Variants in BPIFB2 observed in about 807,000 individuals in gnomAD.
BPIFB2 encodes BPI fold-containing family B member 2.
In BPIFB2, 39 loss-of-function variants were observed where a neutral mutation model predicts 50.1. The ratio of observed to expected loss-of-function variants is 0.78; its 90% confidence interval spans 0.60 to 1.02. The LOEUF is 1.02. Ranked by LOEUF, BPIFB2 falls within the 50% of genes least tolerant of loss-of-function variation. The pLI is 0.00. For missense variants in BPIFB2, 574 were observed against 585.8 expected, an observed-to-expected ratio of 0.98 and a Z score of 0.21; for synonymous variants, 280 against 256.3, an observed-to-expected ratio of 1.09 and a Z score of -0.88.
At chr20:33,012,954 T>C in intron 4 of BPIFB2, 47 bp downstream of exon 4, 1 of 1,509,716 alleles carries the variant, frequency 6.6e-7, no homozygotes, top group South Asian at 1.1e-5. Flanking sequence ...TTGGGGATGC[T>C]CCGAGGGATA....
At chr20:33,016,161 AG>A (rs1978420810) in intron 6 of BPIFB2, among the ~76,000 whole-genome samples, 1 of 152,048 alleles carries the variant, frequency 6.6e-6, no homozygotes, top group African/African-American at 2.4e-5. Context: ...TACTGCTTTA[AG>A]GGGCAGTAGT....
At chr20:33,013,004 C>A in intron 4 of BPIFB2, 97 bp downstream of exon 4, 1 of 953,002 alleles carries the variant, frequency 1.0e-6, no homozygotes. Context: ...CCAGGGCCCT[C>A]ATCCAGGCCT....
chr20:33,013,992 C>CAA, intron 5 of BPIFB2, 36 bp downstream of exon 5: 1 of 1,595,866 alleles, frequency 6.3e-7, no homozygotes, highest in South Asian at 1.1e-5. Context: ...ACAGGAATCC[C>CAA]AGATGCCAAA....
At chr20:33,016,718 G>A (rs1978443181) in intron 6 of BPIFB2, among the ~76,000 whole-genome samples, 1 of 152,238 alleles carries the variant, frequency 6.6e-6, no homozygotes, top group Admixed American at 6.5e-5. Flanking sequence ...TGAGCTCTCA[G>A]CCCCGTTGCA....
intron 7 of BPIFB2, 138 bp downstream of exon 7, chr20:33,017,240 CA>C: frequency 1.6e-6 from 1 of 633,162 alleles, no homozygotes; most frequent in East Asian, 2.9e-5. Context: ...TGTGAGCTCC[CA>C]AAACAGTGTA....
At chr20:33,019,848 T>C (rs45626037) in intron 11 of BPIFB2, 98 bp downstream of exon 11, 379,612 of 1,357,248 alleles carry the variant, frequency 0.28, 55,407 homozygotes, top group Middle Eastern at 0.3. Flanking sequence ...CACACTATTG[T>C]CTTCGCTGTT....
At chr20:33,016,925 G>C in intron 6 of BPIFB2, 117 bp from the exon 7 acceptor site, 1 of 868,982 alleles carries the variant, frequency 1.2e-6, no homozygotes, top group Non-Finnish European at 1.8e-6. Context: ...GGGATTCCAG[G>C]CATGGTGTAT....
rs1165134398 is a variant in BPIFB2, at chr20:33,009,755, T to G, written c.109+1072T>G. Among the ~76,000 whole-genome samples the G allele has an allele frequency of 6.6e-6, 1 of 152,356 alleles. No homozygotes were observed. Among genetic ancestry groups the G allele is most frequent in the African/African-American group, 2.4e-5 (1 of 41,586 alleles). ...CTGCCCATCCTGTGCAAGCCTCCTT[T>G]GTCCCCAGGGAGCCCTCCCCAGCTT... On this transcript the variant is annotated intron_variant, in intron 2 of 15. Transcript: ENST00000170150. The surrounding 1 kb of genome is among the most constrained non-coding windows in gnomAD (Gnocchi z 4.2).
At chr20:33,012,728 C>T in intron 3 of BPIFB2, 75 bp from the exon 4 acceptor site, 1 of 1,198,420 alleles carries the variant, frequency 8.3e-7, no homozygotes, top group Non-Finnish European at 1.2e-6. Flanking sequence ...GTGGGTATGG[C>T]TCAGAGCACC....
At position 33,007,704 on chromosome 20, in the gene BPIFB2, G is replaced by A. The variant is rs975222975; in HGVS notation, c.-91G>A. 1 of 152,220 alleles carries A rather than the reference G, an allele frequency of 6.6e-6. No individual in the cohort carries two copies. The highest frequency in any genetic ancestry group is 6.5e-5 in the Admixed American group (1 of 15,288). 9.4% of individuals were successfully genotyped at this position (152,220 alleles called of 1,614,324 possible). A position where few individuals can be genotyped will look rare whatever the true frequency, so the allele number is the denominator to read the frequency against. On this transcript the variant is annotated 5_prime_UTR_variant, in exon 1 of 16. Coordinates refer to ENST00000170150, the MANE Select transcript of BPIFB2 (RefSeq NM_025227.3). ...AGTAGCCTCTGCATCTGCCTGCCTCGGGCAGAGGAGGGCTACCCTGGGGCT... is the reference window on the plus strand; with the variant it reads ...AGTAGCCTCTGCATCTGCCTGCCTCAGGCAGAGGAGGGCTACCCTGGGGCT...
intron 2 of BPIFB2, 135 bp downstream of exon 2, chr20:33,008,818 C>A: frequency 1.4e-6 from 1 of 693,960 alleles, no homozygotes; most frequent in South Asian, 2.1e-5. Flanking sequence ...CCCTGGCACC[C>A]AGACAGTGCC....
At chr20:33,021,874 C>T in intron 15 of BPIFB2, 75 bp downstream of exon 15, 2 of 1,430,890 alleles carry the variant, frequency 1.4e-6, no homozygotes, top group Non-Finnish European at 2.0e-6. Context: ...TCACCTCTCT[C>T]CCTCCCCCTC....
chr20:33,019,432 A>T, intron 10 of BPIFB2, 148 bp from the exon 11 acceptor site: 1 of 925,822 alleles, frequency 1.1e-6, no homozygotes, highest in Non-Finnish European at 1.6e-6. Context: ...GGCCTGTAAG[A>T]CCCACTGGCT....
intron 3 of BPIFB2, among the ~76,000 whole-genome samples, chr20:33,012,070 A>G (rs1990296581): frequency 1.3e-5 from 2 of 152,258 alleles, no homozygotes; most frequent in African/African-American, 2.4e-5. Context: ...GGTGAAAAAA[A>G]CATCTGGCTT....
Position 33,018,470 on chromosome 20 carries a change from C to T in BPIFB2, c.669+120C>T, listed in dbSNP as rs1305686834. ...AGGAGAGGAGGAGCTGGAATAGTGT[C>T]CCAGCCGGGAGCATGCCACACAGGC... On this transcript the variant is annotated intron_variant, in intron 8 of 15. Coordinates refer to ENST00000170150, the MANE Select transcript of BPIFB2 (RefSeq NM_025227.3). The T allele has an allele frequency of 3.1e-6, 4 of 1,280,984 alleles. No individual in the cohort carries two copies. In the African/African-American group the frequency reaches 5.9e-5, roughly 19 times the overall value. The allele number at this position is 1,280,984 out of a possible 1,614,324, so 79.4% of individuals were successfully genotyped here. A position where few individuals can be genotyped will look rare whatever the true frequency, so the allele number is the denominator to read the frequency against.
At chr20:33,014,068 G>T in intron 5 of BPIFB2, 112 bp downstream of exon 5, 1 of 1,378,220 alleles carries the variant, frequency 7.3e-7, no homozygotes, top group Non-Finnish European at 9.7e-7. Context: ...GGCCTCAGGG[G>T]CCCCCATTAT....
chr20:33,014,767 T>G (rs1184039546), intron 5 of BPIFB2, among the ~76,000 whole-genome samples: 1 of 152,228 alleles, frequency 6.6e-6, no homozygotes, highest in African/African-American at 2.4e-5. Context: ...TTCACACTTG[T>G]GTCGCATGAT....
chr20:33,019,421 C>A (rs1049606128), intron 10 of BPIFB2, among the ~76,000 whole-genome samples, 159 bp from the exon 11 acceptor site: 2 of 152,140 alleles, frequency 1.3e-5, no homozygotes, highest in Non-Finnish European at 2.9e-5. Context: ...TCTTGTCCAG[C>A]GGCCTGTAAG....
At chr20:33,016,279 G>A (rs1978427172) in intron 6 of BPIFB2, among the ~76,000 whole-genome samples, 1 of 152,118 alleles carries the variant, frequency 6.6e-6, no homozygotes, top group African/African-American at 2.4e-5. Context: ...TGAAGGTGGG[G>A]CAGCTCCTCT....
Sources: allele counts gnomAD v4.1 joint callset (sites outside exome capture counted in the v4.1 genomes callset), GRCh38; gene constraint gnomAD v4.1.1; non-coding constraint Gnocchi (gnomAD v3.1); transcripts MANE v1.5; gene names NCBI Gene and HGNC (gene_info 2026-07-23, HGNC 2026-07-21).